Variants in FOXJ3 observed in about 807,000 individuals in gnomAD.
FOXJ3 encodes forkhead box protein J3.
Under a neutral mutation model 76.1 loss-of-function variants are expected in FOXJ3, and 22 were observed. The ratio of observed to expected loss-of-function variants is 0.29; its 90% CI spans 0.21 to 0.41. FOXJ3 has a LOEUF of 0.41. Ranked by LOEUF, FOXJ3 falls within the 10% of genes least tolerant of loss-of-function variation. The probability of loss-of-function intolerance (pLI) is 1.00; values close to 1 mark genes in which losing one functional copy is unlikely to be tolerated. For synonymous variants in FOXJ3, 269 were observed against 261.2 expected, an observed-to-expected ratio of 1.03 and a Z score of -0.29; for missense variants, 613 against 762.1, an observed-to-expected ratio of 0.80 and a Z score of 2.30.
chr1:42,246,209 G>A lies in FOXJ3; in HGVS notation c.445-18243C>T, dbSNP rs186081072. Among the ~76,000 whole-genome samples, 6 of 152,194 alleles carry A rather than the reference G, an allele frequency of 3.9e-5. No individual in the cohort carries two copies. The East Asian group carries it at 5.8e-4, about 15-fold the overall frequency. On this transcript the variant is annotated intron_variant, in intron 4 of 12. Transcript: ENST00000361346. ...CTGCATAGCAAAGTAAATAATCAAC[G>A]GAGTGAGGAGACAATCTGTTGGGTA...
At chr1:42,199,847 AT>A (rs1646724859) in intron 6 of FOXJ3, among the ~76,000 whole-genome samples, 1 of 151,766 alleles carries the variant, frequency 6.6e-6, no homozygotes, top group African/African-American at 2.4e-5. Context: ...ATTTGTGTAT[AT>A]TTTTACAGTG....
intron 2 of FOXJ3, among the ~76,000 whole-genome samples, chr1:42,309,160 T>C (rs894728354): frequency 6.6e-5 from 10 of 152,154 alleles, no homozygotes; most frequent in Non-Finnish European, 1.3e-4. Flanking sequence ...AGCCTAAGGA[T>C]TCCCTGACTT....
chr1:42,233,793 T>TC (rs1295021700), intron 4 of FOXJ3, among the ~76,000 whole-genome samples: 16 of 144,498 alleles, frequency 1.1e-4, no homozygotes, highest in African/African-American at 3.9e-4. Flanking sequence ...TATTTCCTTC[T>TC]CCTGCCTCAT....
intron 4 of FOXJ3, among the ~76,000 whole-genome samples, chr1:42,234,897 G>C (rs1453737777): frequency 1.3e-5 from 2 of 152,198 alleles, no homozygotes; most frequent in African/African-American, 2.4e-5. Context: ...ATCTCCAGCT[G>C]CATGCTGGGA....
chr1:42,193,333 G>A (rs1049072450), intron 8 of FOXJ3, among the ~76,000 whole-genome samples: 7 of 150,418 alleles, frequency 4.7e-5, no homozygotes, highest in Admixed American at 2.0e-4. Flanking sequence ...GTCCAGAGAT[G>A]AGAAGTAAAC....
intron 5 of FOXJ3, among the ~76,000 whole-genome samples, chr1:42,220,873 C>A (rs1349525212): frequency 2.6e-5 from 4 of 152,178 alleles, no homozygotes. Flanking sequence ...CCATGGCAGA[C>A]ATCTTTTCCT....
intron 2 of FOXJ3, among the ~76,000 whole-genome samples, chr1:42,300,935 T>C (rs369382451): frequency 1.1e-4 from 16 of 152,326 alleles, no homozygotes; most frequent in African/African-American, 3.8e-4. Flanking sequence ...CTTGCTACTC[T>C]TAGAATTTCT....
At position 42,253,989 on chromosome 1, in the gene FOXJ3, T is replaced by C. The variant is rs368297194; in HGVS notation, c.444+11126A>G. On this transcript the variant is annotated intron_variant, in intron 4 of 12. Transcript: ENST00000361346. ...GGATCTAATTAAACTAAAGAGCTTC[T>C]GCACAGCAAAAGAAACTACCATCAG... is the stretch of plus-strand genomic sequence containing the variant. Among the ~76,000 whole-genome samples the C allele has an allele frequency of 9.3e-5, 14 of 150,786 alleles. 1 individual carries two copies. The East Asian group carries it at 9.7e-4, about 10-fold the overall frequency.
chr1:42,261,520 G>A (rs932607815), intron 4 of FOXJ3, among the ~76,000 whole-genome samples: 3 of 151,992 alleles, frequency 2.0e-5, no homozygotes, highest in East Asian at 1.9e-4. Flanking sequence ...GGGCTTTTAC[G>A]ACACAATCTT....
intron 4 of FOXJ3, among the ~76,000 whole-genome samples, chr1:42,246,529 T>A (rs1417046707): frequency 6.6e-6 from 1 of 151,074 alleles, no homozygotes; most frequent in Non-Finnish European, 1.5e-5. Flanking sequence ...GACAAAAAAA[T>A]AACAGACACT....
In FOXJ3 at chr1:42,330,448, G is replaced by A. The variant is rs553428154; in HGVS notation, c.-18+4611C>T. Among the ~76,000 whole-genome samples, 16 of 152,238 alleles carry A rather than the reference G, an allele frequency of 1.1e-4. No individual in the cohort carries two copies. In the East Asian group the frequency reaches 2.9e-3, roughly 27 times the overall value. ...AGCCCGGGAGTTAGCGACCAGCCTG[G>A]GCAACATAGCGAAACCACTTCTCTA... On this transcript the variant is annotated intron_variant, in intron 1 of 12. Transcript: ENST00000361346.
chr1:42,300,415 TG>T (rs1175568478), intron 2 of FOXJ3, among the ~76,000 whole-genome samples: 1 of 152,168 alleles, frequency 6.6e-6, no homozygotes, highest in Non-Finnish European at 1.5e-5. Context: ...CCTTCACACT[TG>T]TTTGTCTGGG....
intron 4 of FOXJ3, among the ~76,000 whole-genome samples, chr1:42,263,552 CAA>C (rs1480851305): frequency 6.6e-6 from 1 of 152,064 alleles, no homozygotes; most frequent in Non-Finnish European, 1.5e-5. Flanking sequence ...TTCAGAATCT[CAA>C]AGTTAAAAAC....
At chr1:42,291,079 T>TAGATAGATAGATAGACAGACAGAC (rs1553167254) in intron 2 of FOXJ3, among the ~76,000 whole-genome samples, 24 of 125,658 alleles carry the variant, frequency 1.9e-4, no homozygotes, top group African/African-American at 7.1e-4. Flanking sequence ...GATAGATAGA[T>TAGATAGATAGATAGACAGACAGAC]AGATAGACAG....
chr1:42,238,621 C>T (rs1281727712), intron 4 of FOXJ3, among the ~76,000 whole-genome samples: 1 of 151,882 alleles, frequency 6.6e-6, no homozygotes, highest in Non-Finnish European at 1.5e-5. Context: ...TGCAATGGCA[C>T]AATCATGGCT....
intron 4 of FOXJ3, among the ~76,000 whole-genome samples, chr1:42,232,174 C>T (rs1394127333): frequency 6.6e-6 from 1 of 151,878 alleles, no homozygotes; most frequent in African/African-American, 2.4e-5. Flanking sequence ...ATATGTGCCA[C>T]ATTTTCTTAA....
At chr1:42,280,196 G>C in intron 2 of FOXJ3, 1 of 379,268 alleles carries the variant, frequency 2.6e-6, no homozygotes, top group Non-Finnish European at 3.6e-6. Context: ...ATTAGTCTAG[G>C]AGTATCTTGG....
At chr1:42,218,161 C>T (rs1647109949) in intron 5 of FOXJ3, among the ~76,000 whole-genome samples, 1 of 152,180 alleles carries the variant, frequency 6.6e-6, no homozygotes, top group Non-Finnish European at 1.5e-5. Context: ...ACTAAATCCT[C>T]ACTCTTTCTC....
chr1:42,231,023 G>C (rs551548833), intron 4 of FOXJ3, among the ~76,000 whole-genome samples: 2 of 152,152 alleles, frequency 1.3e-5, no homozygotes, highest in African/African-American at 4.8e-5. Context: ...TTAAAAAGGA[G>C]GGATATTCTG....
Sources: gnomAD v4.1 joint callset for allele counts (sites outside exome capture counted in the v4.1 genomes callset) on GRCh38, gnomAD v4.1.1 for gene constraint, MANE v1.5 for transcripts, NCBI Gene and HGNC (gene_info 2026-07-23, HGNC 2026-07-21) for gene names.